Variants in NEK10 observed in about 807,000 individuals in gnomAD.
The protein encoded by NEK10 is NIMA related kinase 10.
NEK10 carries 122 observed loss-of-function variants against 159.8 expected under a neutral mutation model. The observed-to-expected ratio is 0.76, with a 90% CI of 0.66 to 0.89. NEK10 has a LOEUF of 0.89. Among genes scored for constraint, NEK10 ranks in the 40% least tolerant of loss-of-function variants. NEK10 has a pLI of 0.00. For synonymous variants in NEK10, 466 were observed against 457.1 expected (o/e 1.02, Z -0.25); for missense variants, 1,342 against 1,323.1 (o/e 1.01, Z -0.22).
intron 26 of NEK10, among the ~76,000 whole-genome samples, chr3:27,186,405 G>A (rs983399608): frequency 3.3e-5 from 5 of 152,188 alleles, no homozygotes; most frequent in Non-Finnish European, 7.3e-5. Flanking sequence ...AGAAAGGTGC[G>A]AACTGGAAAT....
intron 16 of NEK10, 24 bp from the exon 17 acceptor site, chr3:27,291,610 T>C (rs1167773092): frequency 7.8e-7 from 1 of 1,287,582 alleles, no homozygotes; most frequent in African/African-American, 1.5e-5. Context: ...TACACACACT[T>C]AAAGTAGAAC....
At chr3:27,312,043 T>C in intron 8 of NEK10, 56 bp downstream of exon 8, 1 of 1,094,034 alleles carries the variant, frequency 9.1e-7, no homozygotes, top group Non-Finnish European at 1.4e-6. Flanking sequence ...GCAAACACCA[T>C]ACTGCTTTTT....
rs1939335751 is a variant in NEK10 at position 27,109,735 on chromosome 3, C to G, written c.*1537G>C. Among the ~76,000 whole-genome samples, 1 of 152,072 alleles carries G rather than the reference C, an allele frequency of 6.6e-6. No homozygotes were observed. Among genetic ancestry groups the G allele is most frequent in the South Asian group, 2.1e-4 (1 of 4,832 alleles). Reference sequence around the variant, plus strand: ...AAATTTTGCCTGGGTAAATCAATATCATAGCATTTTGATTTTATGAATTTC... The same window carrying G: ...AAATTTTGCCTGGGTAAATCAATATGATAGCATTTTGATTTTATGAATTTC... On this transcript the variant is annotated 3_prime_UTR_variant, in exon 36 of 36. Transcript: ENST00000691995.
intron 30 of NEK10, among the ~76,000 whole-genome samples, chr3:27,156,026 A>G (rs961016473): frequency 3.9e-5 from 6 of 152,190 alleles, no homozygotes; most frequent in African/African-American, 1.4e-4. Flanking sequence ...AAACAAAAAC[A>G]TAAAGTGGGG....
chr3:27,242,621 C>T (rs1027679405), intron 23 of NEK10, among the ~76,000 whole-genome samples: 1 of 152,160 alleles, frequency 6.6e-6, no homozygotes, highest in Admixed American at 6.5e-5. Context: ...CACAGATGCA[C>T]CCATGTCCAC....
At chr3:27,295,051 C>T (rs2043258475) in intron 15 of NEK10, among the ~76,000 whole-genome samples, 2 of 152,106 alleles carry the variant, frequency 1.3e-5, no homozygotes, top group Non-Finnish European at 2.9e-5. Flanking sequence ...CTAACTGTTC[C>T]CCTTTCTTAC....
chr3:27,292,599 C>G lies in NEK10; in HGVS notation c.1373+989G>C, dbSNP rs2043074406. On this transcript the variant is annotated intron_variant, in intron 16 of 35. Coordinates refer to ENST00000691995, the MANE Select transcript of NEK10 (RefSeq NM_001394966.1). ...CTGTAATCCCAACACTTTGGGAGGC[C>G]AAGGCGGGTGGATAACCTGAGGTCA... Among the ~76,000 whole-genome samples, 4 of 151,730 alleles carry G rather than the reference C, an allele frequency of 2.6e-5. No individual in the cohort carries two copies. In the South Asian group the frequency reaches 8.3e-4, roughly 32 times the overall value.
chr3:27,112,511 C>T (rs528036927), intron 35 of NEK10, among the ~76,000 whole-genome samples: 5 of 152,154 alleles, frequency 3.3e-5, no homozygotes, highest in Non-Finnish European at 7.4e-5. Context: ...TCAATGAGAA[C>T]AACAGAGATC....
At chr3:27,200,850 T>C (rs1216152532) in intron 25 of NEK10, among the ~76,000 whole-genome samples, 1 of 151,898 alleles carries the variant, frequency 6.6e-6, no homozygotes, top group African/African-American at 2.4e-5. Context: ...TAGGAAACCA[T>C]GAAAGCAAGG....
chr3:27,228,299 G>A (rs192103608), intron 23 of NEK10, among the ~76,000 whole-genome samples: 238 of 152,074 alleles, frequency 1.6e-3, no homozygotes, highest in African/African-American at 5.2e-3. Context: ...TCCTCATGAT[G>A]ACTTAAAATA....
Position 27,284,882 on chromosome 3 carries a change from A to G in NEK10, c.1869T>C (p.His623=), listed in dbSNP as rs2042460896. The G allele has an allele frequency of 1.3e-6, 2 of 1,591,046 alleles. No homozygotes were observed. Among genetic ancestry groups the G allele is most frequent in the Non-Finnish European group, 1.7e-6 (2 of 1,159,106 alleles). Residue 623 remains histidine (H), a synonymous_variant, in exon 21 of 36, where the codon CAT becomes CAC. Coordinates refer to ENST00000691995, the MANE Select transcript of NEK10 (RefSeq NM_001394966.1). ...GEHFSSLKEK[H]HHFTEERLWK... is the part of the protein sequence containing the mutation. Reference sequence around the variant, plus strand: ...ATAGTCTTTCTTCAGTAAAATGGTGATGTTTTTCCTTCAAAGAACTGAAAT... The same window carrying G: ...ATAGTCTTTCTTCAGTAAAATGGTGGTGTTTTTCCTTCAAAGAACTGAAAT...
chr3:27,354,165 A>G (rs1298830910), intron 1 of NEK10, among the ~76,000 whole-genome samples: 1 of 152,168 alleles, frequency 6.6e-6, no homozygotes, highest in East Asian at 1.9e-4. Flanking sequence ...GCTACAGACT[A>G]TAGTTTAGAA....
chr3:27,228,020 A>G (rs1395559681), intron 23 of NEK10, among the ~76,000 whole-genome samples: 4 of 152,256 alleles, frequency 2.6e-5, no homozygotes, highest in Admixed American at 6.5e-5. Context: ...ATGGTCAGGA[A>G]GAAACTTGCA....
At chr3:27,138,442 T>C (rs1254159230) in intron 31 of NEK10, among the ~76,000 whole-genome samples, 1 of 152,152 alleles carries the variant, frequency 6.6e-6, no homozygotes, top group African/African-American at 2.4e-5. Context: ...AGTGTGGGAG[T>C]GCCCAATTCT....
chr3:27,252,049 G>T (rs1193969281), intron 23 of NEK10, among the ~76,000 whole-genome samples: 1 of 152,132 alleles, frequency 6.6e-6, no homozygotes, highest in Non-Finnish European at 1.5e-5. Context: ...AAAATGACTT[G>T]TTTTCACTTC....
At position 27,352,869 on chromosome 3, in the gene NEK10, T is replaced by A; in HGVS notation, c.14A>T (p.Asp5Val). 6.2e-7 allele frequency: 1 copy of A among 1,608,364 alleles called. No individual in the cohort carries two copies. The highest frequency in any genetic ancestry group is 8.5e-7 in the Non-Finnish European group (1 of 1,175,240). MPDQDKKVKTTEKST... is the reference protein window; with the variant it reads MPDQVKKVKTTEKST... ...TTTTTCTGTGGTCTTCACCTTTTTATCTTGATCAGGCATTGTAAAACATCA... is the reference window on the plus strand; with the variant it reads ...TTTTTCTGTGGTCTTCACCTTTTTAACTTGATCAGGCATTGTAAAACATCA... The change falls in exon 2 of 36, where the codon GAT (aspartate) becomes GTT (valine). Residue 5 changes from aspartate (D) to valine (V), a missense_variant. Coordinates refer to ENST00000691995, the MANE Select transcript of NEK10 (RefSeq NM_001394966.1).
In NEK10 at chr3:27,329,223, A is replaced by G. The variant is rs140703272; in HGVS notation, c.363-6962T>C. Among the ~76,000 whole-genome samples, 5 of 152,324 alleles carry G rather than the reference A, an allele frequency of 3.3e-5. No homozygotes were observed. The East Asian group carries it at 9.6e-4, about 29-fold the overall frequency. ...GAATTGCTCCTCCTTGCCTTCTGCC[A>G]TGATTGTGAGGCCTCCCCAGCCACA... is the stretch of plus-strand genomic sequence containing the variant. On this transcript the variant is annotated intron_variant, in intron 5 of 35. Coordinates refer to ENST00000691995, the MANE Select transcript of NEK10 (RefSeq NM_001394966.1).
In NEK10 at chr3:27,256,378, T is replaced by A; in HGVS notation, c.2015-7A>T. 6.4e-7 allele frequency: 1 copy of A among 1,557,394 alleles called. No individual in the cohort carries two copies. The highest frequency in any genetic ancestry group is 1.4e-5 in the African/African-American group (1 of 71,126). On this transcript the variant is annotated splice_region_variant and splice_polypyrimidine_tract_variant and intron_variant, in intron 22 of 35. Coordinates refer to ENST00000691995, the MANE Select transcript of NEK10 (RefSeq NM_001394966.1). The stretch of plus-strand genomic sequence containing the variant: ...TTTGCCAGGCCAAAGTCAGCTACAA[T>A]TCACAAAACAACGCAATATGTTACT...
At chr3:27,306,944 C>T (rs1429869701) in intron 11 of NEK10, among the ~76,000 whole-genome samples, 3 of 152,168 alleles carry the variant, frequency 2.0e-5, no homozygotes, top group Non-Finnish European at 4.4e-5. Context: ...CTCTCTCTGC[C>T]TAGATATCTT....
Sources: allele counts gnomAD v4.1 joint callset (sites outside exome capture counted in the v4.1 genomes callset), GRCh38; gene constraint gnomAD v4.1.1; transcripts MANE v1.5; gene names NCBI Gene and HGNC (gene_info 2026-07-23, HGNC 2026-07-21).